Variants in COL4A1 observed in about 807,000 individuals in gnomAD.
COL4A1 encodes collagen alpha-1(IV) chain.
Under a neutral mutation model 216.6 loss-of-function variants are expected in COL4A1, and 40 were observed. That is an observed-to-expected ratio of 0.18 (90% confidence interval 0.14 to 0.24). COL4A1 has a LOEUF of 0.24. COL4A1 is among the 10% of genes least tolerant of loss of function. The pLI, the probability that COL4A1 is intolerant of heterozygous loss-of-function variation, is 1.00. For synonymous variants in COL4A1, 839 were observed against 810.7 expected (o/e 1.03, Z -0.59); for missense variants, 1,628 against 2,196.8 (o/e 0.74, Z 5.18).
intron 12 of COL4A1, 21 bp downstream of exon 12, chr13:110,208,828 T>A: frequency 6.2e-7 from 1 of 1,613,926 alleles, no homozygotes; most frequent in Non-Finnish European, 8.5e-7. Context: ...ATGAAAGCAC[T>A]CCAGAGCAAT....
chr13:110,186,563 G>A lies in COL4A1; in HGVS notation c.1729-10C>T. ...TCAATCCTACAGAACCCTGATGTGAGAAGAAGAAAAAGACACCGTTATCAG... is the reference window on the plus strand; with the variant it reads ...TCAATCCTACAGAACCCTGATGTGAAAAGAAGAAAAAGACACCGTTATCAG... On this transcript the variant is annotated splice_polypyrimidine_tract_variant and intron_variant, in intron 25 of 51. Transcript: ENST00000375820. 1 of 1,613,856 alleles carries A rather than the reference G, an allele frequency of 6.2e-7. No homozygotes were observed. Among genetic ancestry groups the A allele is most frequent in the Non-Finnish European group, 8.5e-7 (1 of 1,179,974 alleles).
intron 50 of COL4A1, 32 bp from the exon 51 acceptor site, chr13:110,152,538 G>C (rs1015119433): frequency 6.3e-7 from 1 of 1,594,324 alleles, no homozygotes; most frequent in Non-Finnish European, 8.5e-7. Context: ...TGAGTCAGAG[G>C]TTCCCTCCCC....
chr13:110,153,244 C>T (rs1339690371), intron 50 of COL4A1, among the ~76,000 whole-genome samples: 2 of 152,218 alleles, frequency 1.3e-5, no homozygotes, highest in African/African-American at 4.8e-5. Flanking sequence ...CAGCTGAGGA[C>T]ATTCTCGGAT....
chr13:110,159,900 G>A (rs913922034), intron 49 of COL4A1, among the ~76,000 whole-genome samples: 1 of 149,796 alleles, frequency 6.7e-6, no homozygotes, highest in Non-Finnish European at 1.5e-5. Context: ...GTCTACGGGG[G>A]TCAAATTCAC....
Position 110,214,020 on chromosome 13 carries a change from A to G in COL4A1, c.145-5T>C, listed in dbSNP as rs749251030. 14 of 1,613,164 alleles carry G rather than the reference A, an allele frequency of 8.7e-6. No individual in the cohort carries two copies. In the East Asian group the frequency reaches 2.5e-4, roughly 28 times the overall value. On this transcript the variant is annotated splice_polypyrimidine_tract_variant and splice_region_variant and intron_variant, in intron 2 of 51. Transcript: ENST00000375820. Reference sequence around the variant, plus strand: ...CCCCGGGAGGCCTCTTTCACCCTACAGAAGAGGAACATCAGTCAGGCAAAA... The same window carrying G: ...CCCCGGGAGGCCTCTTTCACCCTACGGAAGAGGAACATCAGTCAGGCAAAA...
chr13:110,209,528 A>G (rs1302891084), intron 10 of COL4A1, 101 bp from the exon 11 acceptor site: 8 of 903,732 alleles, frequency 8.9e-6, no homozygotes, highest in Admixed American at 6.8e-5. Context: ...GGTCAACATG[A>G]TAATTTATTT....
At chr13:110,272,409 G>A (rs577462093) in intron 1 of COL4A1, among the ~76,000 whole-genome samples, 29 of 152,264 alleles carry the variant, frequency 1.9e-4, no homozygotes, top group African/African-American at 6.7e-4. Flanking sequence ...AAACACTCTC[G>A]AAATTGCACA....
intron 1 of COL4A1, among the ~76,000 whole-genome samples, chr13:110,262,434 T>C (rs974379908): frequency 2.0e-5 from 3 of 152,368 alleles, no homozygotes; most frequent in African/African-American, 4.8e-5. Context: ...CTGACACATA[T>C]TTAGAGCAAA....
At chr13:110,155,523 A>T (rs1034766895) in intron 49 of COL4A1, 126 bp from the exon 50 acceptor site, 2 of 732,002 alleles carry the variant, frequency 2.7e-6, no homozygotes, top group Admixed American at 2.0e-5. Context: ...CATATTAAGT[A>T]GAAAACATTG....
intron 48 of COL4A1, among the ~76,000 whole-genome samples, chr13:110,161,597 A>G (rs1034273369): frequency 1.3e-5 from 2 of 152,274 alleles, no homozygotes; most frequent in Admixed American, 1.3e-4. Context: ...GGAACTTAAC[A>G]CATGGTTCGT....
chr13:110,217,979 C>A (rs887907806), intron 2 of COL4A1, among the ~76,000 whole-genome samples: 1 of 152,182 alleles, frequency 6.6e-6, no homozygotes, highest in Non-Finnish European at 1.5e-5. Flanking sequence ...TATTTCCCTT[C>A]CTCTTCCAAT....
intron 1 of COL4A1, among the ~76,000 whole-genome samples, chr13:110,286,200 C>A (rs1883838923): frequency 6.6e-6 from 1 of 152,192 alleles, no homozygotes; most frequent in African/African-American, 2.4e-5. Flanking sequence ...GCTGCAGCTG[C>A]AGATTCAGGG....
At chr13:110,285,442 T>G (rs1300725252) in intron 1 of COL4A1, among the ~76,000 whole-genome samples, 2 of 152,228 alleles carry the variant, frequency 1.3e-5, no homozygotes, top group Non-Finnish European at 2.9e-5. Flanking sequence ...TCTTCTGCAG[T>G]GGAAATACTA....
chr13:110,170,063 G>A (rs1034684490), intron 42 of COL4A1, among the ~76,000 whole-genome samples: 7 of 139,752 alleles, frequency 5.0e-5, no homozygotes, highest in African/African-American at 1.9e-4. Context: ...AAGGAGGGGA[G>A]GGAGGAGGGG....
Position 110,175,250 on chromosome 13 carries a change from C to G in COL4A1, c.3166G>C (p.Gly1056Arg), listed in dbSNP as rs1353814026. The change falls in exon 37 of 52, where the codon GGC becomes CGC. Residue 1056 changes from glycine (G) to arginine (R), a missense_variant. By Grantham distance (125) the Gly-to-Arg change is moderately radical. Transcript: ENST00000375820. ...CCTCGCAGCCCTGGGATGCCTATGC[C>G]AGGTGGGCCTGCCTGCCCTTTCTCT... ...KGEKGQAGPPGIGIPGLRGEK... is the reference protein window; with the variant it reads ...KGEKGQAGPPRIGIPGLRGEK... The G allele has an allele frequency of 6.2e-7, 1 of 1,614,070 alleles. No individual in the cohort carries two copies. Among genetic ancestry groups the G allele is most frequent in the East Asian group, 2.2e-5 (1 of 44,906 alleles).
chr13:110,219,660 A>ATATGTG (rs1566384642), intron 2 of COL4A1, among the ~76,000 whole-genome samples: 4 of 119,290 alleles, frequency 3.4e-5, no homozygotes, highest in African/African-American at 1.2e-4. Context: ...ATATATATAT[A>ATATGTG]TGTATATATA....
chr13:110,161,483 T>A, intron 48 of COL4A1, 114 bp from the exon 49 acceptor site: 1 of 1,234,536 alleles, frequency 8.1e-7, no homozygotes. Context: ...ACATAATCAC[T>A]GAAATGGAAA....
chr13:110,158,663 C>T (rs1458939905), intron 49 of COL4A1, among the ~76,000 whole-genome samples: 3 of 151,536 alleles, frequency 2.0e-5, no homozygotes, highest in Non-Finnish European at 4.4e-5. Flanking sequence ...AGTAAAATTA[C>T]GGAATAGCTT....
At chr13:110,161,509 G>A in intron 48 of COL4A1, 140 bp from the exon 49 acceptor site, 7 of 1,073,830 alleles carry the variant, frequency 6.5e-6, no homozygotes, top group Non-Finnish European at 1.4e-6. Context: ...AAAGGATTAT[G>A]TAGGACATTT....
Sources: allele counts gnomAD v4.1 joint callset (sites outside exome capture counted in the v4.1 genomes callset), GRCh38; gene constraint gnomAD v4.1.1; transcripts MANE v1.5; gene names NCBI Gene and HGNC (gene_info 2026-07-23, HGNC 2026-07-21).